ENAH: variants seen among roughly 807,000 people sequenced by gnomAD.
The protein encoded by ENAH is protein enabled homolog.
In ENAH, 23 loss-of-function variants were observed where a neutral mutation model predicts 78.7. That is an observed-to-expected ratio of 0.29 (90% confidence interval 0.21 to 0.41). The LOEUF (loss-of-function observed/expected upper bound fraction) is 0.41, where lower values mean the gene tolerates loss of function less well. Among genes scored for constraint, ENAH ranks in the 10% least tolerant of loss-of-function variants. The pLI, the probability that ENAH is intolerant of heterozygous loss-of-function variation, is 1.00. For synonymous variants in ENAH, 226 were observed against 241.0 expected (o/e 0.94, Z 0.58); for missense variants, 544 against 691.0 (o/e 0.79, Z 2.39).
In ENAH at chr1:225,608,405, C is replaced by CT. The variant is rs972775624; in HGVS notation, c.6-40992dup. Among the ~76,000 whole-genome samples the CT allele has an allele frequency of 9.4e-3, 1,323 of 140,756 alleles. 14 individuals carry two copies. The highest frequency in any genetic ancestry group is 0.029 in the African/African-American group (1,120 of 38,570). The allele number at this position is 140,756 out of a possible 152,430, so 92.3% of individuals were successfully genotyped here. A position where few individuals can be genotyped will look rare whatever the true frequency, so the allele number is the denominator to read the frequency against. ...TCCATCAAGGGCACAGCACAACAGA[C>CT]TTTTTTTTTTTTTTAAACAAAGACT... On this transcript the variant is annotated intron_variant, in intron 1 of 13. Transcript: ENST00000366843.
rs557158772 is a variant in ENAH at position 225,572,542 on chromosome 1, G to A, written c.6-5128C>T. 1.5e-4 allele frequency among the ~76,000 whole-genome samples: 23 copies of A among 152,162 alleles called. 1 individual carries two copies. The highest frequency in any genetic ancestry group is 5.5e-4 in the African/African-American group (23 of 41,490). On this transcript the variant is annotated intron_variant, in intron 1 of 13. Coordinates refer to ENST00000366843, the MANE Select transcript of ENAH (RefSeq NM_018212.6). ...TTTGTTTTCTCCCCGTTTCTCCCTG[G>A]TCCAGTGAAATGCTTAGCCAAGGGC...
chr1:225,537,934 A>G (rs967979890), intron 3 of ENAH, among the ~76,000 whole-genome samples: 6 of 152,198 alleles, frequency 3.9e-5, no homozygotes. Context: ...GTATATAATT[A>G]CTACAGTAGA....
At chr1:225,518,782 A>T (rs925328473) in intron 5 of ENAH, among the ~76,000 whole-genome samples, 2 of 152,172 alleles carry the variant, frequency 1.3e-5, no homozygotes, top group African/African-American at 4.8e-5. Flanking sequence ...TCTTCCTCCA[A>T]AATCTTTAGA....
At chr1:225,500,660 T>C (rs2096276730) in intron 12 of ENAH, among the ~76,000 whole-genome samples, 1 of 152,192 alleles carries the variant, frequency 6.6e-6, no homozygotes, top group Non-Finnish European at 1.5e-5. Flanking sequence ...ATCAGATTTG[T>C]TGGGTTCAAT....
chr1:225,634,519 C>T (rs1659709589), intron 1 of ENAH, among the ~76,000 whole-genome samples: 1 of 152,058 alleles, frequency 6.6e-6, no homozygotes, highest in Non-Finnish European at 1.5e-5. Flanking sequence ...CACAGTACAA[C>T]CCTGTAACAG....
intron 1 of ENAH, among the ~76,000 whole-genome samples, chr1:225,577,495 A>T (rs1003757853): frequency 6.6e-6 from 1 of 152,276 alleles, no homozygotes; most frequent in Non-Finnish European, 1.5e-5. Flanking sequence ...AGCACCAAAT[A>T]TGCAGAAAGG....
chr1:225,490,636 CA>C lies in ENAH; in HGVS notation c.*7138del, dbSNP rs1218380440. On this transcript the variant is annotated 3_prime_UTR_variant, in exon 14 of 14. Coordinates refer to ENST00000366843, the MANE Select transcript of ENAH (RefSeq NM_018212.6). ...CCCAAAGTACCTCTGGGAAGGACAC[CA>C]AATTGTAAAGTCCTGACTCAGGCCT... 6.6e-6 allele frequency: 1 copy of C among 152,128 alleles called. No homozygotes were observed. Among genetic ancestry groups the C allele is most frequent in the Non-Finnish European group, 1.5e-5 (1 of 68,034 alleles). 9.4% of individuals were successfully genotyped at this position (152,128 alleles called of 1,614,324 possible). A position where few individuals can be genotyped will look rare whatever the true frequency, so the allele number is the denominator to read the frequency against.
chr1:225,514,981 C>A, intron 6 of ENAH, 81 bp from the exon 7 acceptor site: 1 of 1,162,384 alleles, frequency 8.6e-7, no homozygotes, highest in South Asian at 1.3e-5. Context: ...ACGCAGAATG[C>A]CATGCTAAAT....
chr1:225,584,979 CT>C (rs1474926914), intron 1 of ENAH, among the ~76,000 whole-genome samples: 1 of 152,042 alleles, frequency 6.6e-6, no homozygotes, highest in Non-Finnish European at 1.5e-5. Flanking sequence ...CTTTGAGAGG[CT>C]GAGGCAGGTG....
chr1:225,498,366 T>G lies in ENAH; in HGVS notation c.1656A>C (p.Leu552=), dbSNP rs144474730. 1.4e-4 allele frequency: 226 copies of G among 1,596,914 alleles called. 1 individual carries two copies. In the African/African-American group the frequency reaches 2.8e-3, roughly 20 times the overall value. ...LDEMRKELTK[L]KEELIDAIRQ... ...ACTTACCATCAATGAGCTCTTCTTT[T>G]AGCTTTGTTAATTCTTTTCTCATTT... The change falls in exon 13 of 14, where the codon CTA becomes CTC. Residue 552 remains leucine (L), a synonymous_variant. Transcript: ENST00000366843.
chr1:225,495,210 T>A lies in ENAH; in HGVS notation c.*2565A>T, dbSNP rs772518414. 13 of 152,550 alleles carry A rather than the reference T, an allele frequency of 8.5e-5. No homozygotes were observed. Among genetic ancestry groups the A allele is most frequent in the Non-Finnish European group, 1.5e-4 (10 of 68,018 alleles). The allele number at this position is 152,550 out of a possible 1,614,324, so 9.4% of individuals were successfully genotyped here. A position where few individuals can be genotyped will look rare whatever the true frequency, so the allele number is the denominator to read the frequency against. ...TGTCATTAGAAAGGATCCCCTAAACTGTACTCAGCTTAAGACATCCAACGT... is the reference window on the plus strand; with the variant it reads ...TGTCATTAGAAAGGATCCCCTAAACAGTACTCAGCTTAAGACATCCAACGT... On this transcript the variant is annotated 3_prime_UTR_variant, in exon 14 of 14. Coordinates refer to ENST00000366843, the MANE Select transcript of ENAH (RefSeq NM_018212.6).
intron 4 of ENAH, among the ~76,000 whole-genome samples, chr1:225,526,967 G>A (rs902817390): frequency 2.0e-5 from 3 of 152,096 alleles, no homozygotes; most frequent in African/African-American, 2.4e-5. Flanking sequence ...GAGCTTCACT[G>A]GCAAGGACGA....
intron 1 of ENAH, among the ~76,000 whole-genome samples, chr1:225,621,344 G>A (rs1454571158): frequency 2.7e-5 from 4 of 150,194 alleles, no homozygotes; most frequent in Non-Finnish European, 5.9e-5. Context: ...CCAGGCTGGA[G>A]TGCAGTGGCG....
At chr1:225,512,787 A>T in intron 8 of ENAH, 73 bp from the exon 9 acceptor site, 1 of 1,608,812 alleles carries the variant, frequency 6.2e-7, no homozygotes, top group Non-Finnish European at 8.5e-7. Flanking sequence ...CTACGAGGAA[A>T]GAAGTGCATC....
chr1:225,614,090 A>C (rs1243117992), intron 1 of ENAH, among the ~76,000 whole-genome samples: 1 of 150,102 alleles, frequency 6.7e-6, no homozygotes, highest in African/African-American at 2.5e-5. Flanking sequence ...ATGGAGTCTC[A>C]TTCTGTCGCC....
chr1:225,503,010 T>C (rs1045353830), intron 11 of ENAH, among the ~76,000 whole-genome samples: 1 of 152,230 alleles, frequency 6.6e-6, no homozygotes, highest in African/African-American at 2.4e-5. Flanking sequence ...AAGTATGTTA[T>C]GAATATATCC....
At chr1:225,504,901 G>A (rs2096313914) in intron 11 of ENAH, 6 of 908,774 alleles carry the variant, frequency 6.6e-6, no homozygotes, top group Non-Finnish European at 1.0e-5. Flanking sequence ...CTCCCTTGTG[G>A]TGATTACCAA....
At chr1:225,601,971 A>G (rs546594425) in intron 1 of ENAH, among the ~76,000 whole-genome samples, 7 of 152,196 alleles carry the variant, frequency 4.6e-5, no homozygotes, top group South Asian at 2.1e-4. Context: ...AAAGGAAAGA[A>G]ATAATAAAGG....
chr1:225,568,767 T>C (rs1290285455), intron 1 of ENAH, among the ~76,000 whole-genome samples: 9 of 152,260 alleles, frequency 5.9e-5, no homozygotes, highest in African/African-American at 4.8e-5. Flanking sequence ...AGATGGCATG[T>C]GTTTTATTCT....
Sources: allele counts gnomAD v4.1 joint callset (sites outside exome capture counted in the v4.1 genomes callset), GRCh38; gene constraint gnomAD v4.1.1; transcripts MANE v1.5; gene names NCBI Gene and HGNC (gene_info 2026-07-23, HGNC 2026-07-21).